The following MYLK variants were observed in gnomAD, a reference collection of about 807,000 sequenced individuals.
The protein encoded by MYLK is myosin light chain kinase.
Under a neutral mutation model 203.4 loss-of-function variants are expected in MYLK, and 106 were observed. The ratio of observed to expected loss-of-function variants is 0.52; its 90% CI spans 0.45 to 0.61. MYLK has a LOEUF of 0.61. Ranked by LOEUF, MYLK falls within the 20% of genes least tolerant of loss-of-function variation. The pLI, the probability that MYLK is intolerant of heterozygous loss-of-function variation, is 0.00. For synonymous variants in MYLK, 867 were observed against 959.5 expected (o/e 0.90, Z 1.78); for missense variants, 2,072 against 2,442.3 (o/e 0.85, Z 3.20).
At chr3:123,812,332 G>C (rs954660355) in intron 3 of MYLK, among the ~76,000 whole-genome samples, 6 of 152,166 alleles carry the variant, frequency 3.9e-5, no homozygotes, top group African/African-American at 1.4e-4. Flanking sequence ...ACCTGTTTCA[G>C]TTTAAGACTT....
At chr3:123,713,007 A>G (rs570813865) in intron 13 of MYLK, among the ~76,000 whole-genome samples, 8 of 152,314 alleles carry the variant, frequency 5.3e-5, no homozygotes, top group Admixed American at 6.5e-5. Flanking sequence ...GGCAAATACT[A>G]TTAGGAATAC....
At chr3:123,624,953 A>G (rs1214796888) in intron 31 of MYLK, 1 of 152,218 alleles carries the variant, frequency 6.6e-6, no homozygotes, top group African/African-American at 2.4e-5. Flanking sequence ...CTGGTGTGGT[A>G]AATGACCAGT....
chr3:123,806,304 C>G (rs1022103491), intron 3 of MYLK, among the ~76,000 whole-genome samples: 3 of 152,188 alleles, frequency 2.0e-5, no homozygotes, highest in African/African-American at 7.2e-5. Flanking sequence ...GAGTGGACCA[C>G]TGTATCTTCA....
chr3:123,731,512 G>T (rs1248519480), intron 11 of MYLK, among the ~76,000 whole-genome samples: 3 of 152,144 alleles, frequency 2.0e-5, no homozygotes, highest in Admixed American at 6.5e-5. Context: ...ACAGGATGTT[G>T]TCTGGCATTC....
intron 3 of MYLK, chr3:123,813,956 G>C (rs2065652353): frequency 6.5e-6 from 1 of 153,712 alleles, no homozygotes; most frequent in African/African-American, 2.4e-5. Context: ...AGGGCTCTTT[G>C]AATACTCATG....
intron 18 of MYLK, among the ~76,000 whole-genome samples, chr3:123,697,141 C>G (rs1321338336): frequency 6.6e-6 from 1 of 152,212 alleles, no homozygotes; most frequent in Non-Finnish European, 1.5e-5. Flanking sequence ...AGAAAAGACT[C>G]CCTCCACCTC....
intron 20 of MYLK, among the ~76,000 whole-genome samples, chr3:123,669,872 G>A (rs957950893): frequency 3.3e-5 from 5 of 151,322 alleles, no homozygotes; most frequent in Admixed American, 2.0e-4. Flanking sequence ...CCATCTCTAC[G>A]AAAAATAGAA....
intron 23 of MYLK, among the ~76,000 whole-genome samples, chr3:123,657,871 G>T (rs2059440213): frequency 6.6e-6 from 1 of 152,216 alleles, no homozygotes; most frequent in Admixed American, 6.5e-5. Context: ...ATAACTAGGG[G>T]TCTGCCTCCA....
chr3:123,695,803 C>T (rs184767322), intron 18 of MYLK, among the ~76,000 whole-genome samples: 5 of 152,186 alleles, frequency 3.3e-5, no homozygotes, highest in African/African-American at 1.2e-4. Flanking sequence ...GGAGGAGGAG[C>T]CTGGCCTGGA....
At chr3:123,822,640 G>T (rs1305635530) in intron 3 of MYLK, among the ~76,000 whole-genome samples, 4 of 152,190 alleles carry the variant, frequency 2.6e-5, no homozygotes, top group Non-Finnish European at 5.9e-5. Context: ...GACCACGTTT[G>T]TGGGGCTGAC....
At chr3:123,814,616 T>G (rs912360242) in intron 3 of MYLK, among the ~76,000 whole-genome samples, 1 of 152,230 alleles carries the variant, frequency 6.6e-6, no homozygotes, top group Non-Finnish European at 1.5e-5. Flanking sequence ...GCCTTCATTT[T>G]TCATGCTTTT....
chr3:123,834,229 A>G (rs2700356), intron 2 of MYLK, among the ~76,000 whole-genome samples: 126,918 of 151,950 alleles, frequency 0.84, 53,165 homozygotes, highest in East Asian at 0.96. Context: ...TATTTTTAGT[A>G]GAGATGGGGT....
At chr3:123,759,194 T>C (rs748747124) in intron 4 of MYLK, among the ~76,000 whole-genome samples, 15 of 152,194 alleles carry the variant, frequency 9.9e-5, no homozygotes, top group Non-Finnish European at 1.6e-4. Flanking sequence ...CCCAAATGCA[T>C]TGTTTTCATA....
chr3:123,866,023 C>T (rs2032304319), intron 2 of MYLK, among the ~76,000 whole-genome samples: 2 of 152,198 alleles, frequency 1.3e-5, no homozygotes, highest in South Asian at 4.1e-4. Flanking sequence ...TTCAAGTTGT[C>T]TCAGTCTAGA....
chr3:123,738,988 T>G lies in MYLK; in HGVS notation c.497A>C (p.Lys166Thr). 6.2e-7 allele frequency: 1 copy of G among 1,613,806 alleles called. No homozygotes were observed. Among genetic ancestry groups the G allele is most frequent in the Non-Finnish European group, 8.5e-7 (1 of 1,179,922 alleles). Residue 166 changes from lysine (K) to threonine (T), a missense_variant, in exon 7 of 34, where the codon AAG becomes ACG. Coordinates refer to ENST00000360304, the MANE Select transcript of MYLK (RefSeq NM_053025.4). Reference sequence around the variant, plus strand: ...TTCTTTGACCACAACTCGGCCCAGCTTGGTAGCAAACTTTGGTGGGCACTC... The same window carrying G: ...TTCTTTGACCACAACTCGGCCCAGCGTGGTAGCAAACTTTGGTGGGCACTC... The part of the protein sequence containing the change: ...WGECPPKFAT[K>T]LGRVVVKEGQ...
intron 20 of MYLK, among the ~76,000 whole-genome samples, chr3:123,673,250 C>A (rs1378345719): frequency 6.7e-6 from 1 of 150,244 alleles, no homozygotes; most frequent in Non-Finnish European, 1.5e-5. Context: ...GTAGCCTCGA[C>A]CTGCTGGGCT....
In MYLK at chr3:123,816,495, G is replaced by A. The variant is rs558100260; in HGVS notation, c.-4+15053C>T. ...GTGCTAAATGAACCAGCTATTAGGC[G>A]ACAGAGTCAACATTAAACCAAGAGA... On this transcript the variant is annotated intron_variant, in intron 3 of 33. Coordinates refer to ENST00000360304, the MANE Select transcript of MYLK (RefSeq NM_053025.4). Among the ~76,000 whole-genome samples the A allele has an allele frequency of 3.3e-5, 5 of 152,328 alleles. No individual in the cohort carries two copies. In the East Asian group the frequency reaches 5.8e-4, roughly 18 times the overall value.
chr3:123,877,622 C>T (rs555305103), intron 1 of MYLK, among the ~76,000 whole-genome samples: 12 of 152,280 alleles, frequency 7.9e-5, no homozygotes, highest in Admixed American at 3.3e-4. Context: ...ATCATGTATA[C>T]CATGAGTGAC....
intron 24 of MYLK, among the ~76,000 whole-genome samples, chr3:123,656,227 G>C (rs2059384773): frequency 6.6e-6 from 1 of 152,164 alleles, no homozygotes; most frequent in African/African-American, 2.4e-5. Flanking sequence ...AAGGGCCTGG[G>C]GGAGTCTGCT....
Sources: gnomAD v4.1 joint callset for allele counts (sites outside exome capture counted in the v4.1 genomes callset) on GRCh38, gnomAD v4.1.1 for gene constraint, MANE v1.5 for transcripts, NCBI Gene and HGNC (gene_info 2026-07-23, HGNC 2026-07-21) for gene names.